Variants in CCSER2 observed in about 807,000 individuals in gnomAD.
CCSER2 encodes serine-rich coiled-coil domain-containing protein 2.
In CCSER2, 46 loss-of-function variants were observed where a neutral mutation model predicts 92.3. The observed-to-expected ratio is 0.50, with a 90% CI of 0.39 to 0.64. The LOEUF is 0.64. Ranked by LOEUF, CCSER2 falls within the 30% of genes least tolerant of loss-of-function variation. The probability of loss-of-function intolerance (pLI) is 0.00; values close to 1 mark genes in which losing one functional copy is unlikely to be tolerated. For missense variants in CCSER2, 1,244 were observed against 1,238.9 expected, an observed-to-expected ratio of 1.00 and a Z score of -0.06; for synonymous variants, 433 against 431.4, an observed-to-expected ratio of 1.00 and a Z score of -0.04.
Position 84,391,368 on chromosome 10 carries a change from A to T in CCSER2, c.1614+17553A>T, listed in dbSNP as rs1220097793. The T allele has an allele frequency of 2.1e-6, 3 of 1,451,282 alleles. No homozygotes were observed. In the African/African-American group the frequency reaches 4.2e-5, roughly 20 times the overall value. The allele number at this position is 1,451,282 out of a possible 1,614,324, so 89.9% of individuals were successfully genotyped here. A position where few individuals can be genotyped will look rare whatever the true frequency, so the allele number is the denominator to read the frequency against. ...GGCAACATTGAACAGCTGGTAGCCC[A>T]AAGTAACATCCTAACACTAATGCAT... On this transcript the variant is annotated intron_variant, in intron 3 of 9. Coordinates refer to ENST00000372088, the MANE Select transcript of CCSER2 (RefSeq NM_001284240.2).
At chr10:84,330,480 T>G (rs1843502526) in intron 1 of CCSER2, among the ~76,000 whole-genome samples, 1 of 152,170 alleles carries the variant, frequency 6.6e-6, no homozygotes, top group South Asian at 2.1e-4. Context: ...AGTTAATGAT[T>G]TGTTTATGTG....
Position 84,371,614 on chromosome 10 carries a change from C to G in CCSER2, c.562C>G (p.Pro188Ala), listed in dbSNP as rs371027225. 79 of 1,613,450 alleles carry G rather than the reference C, an allele frequency of 4.9e-5. No homozygotes were observed. Among genetic ancestry groups the G allele is most frequent in the Non-Finnish European group, 6.6e-5 (78 of 1,179,698 alleles). Residue 188 changes from proline to alanine, a missense_variant, in exon 2 of 10, where the codon CCT (proline) becomes GCT (alanine). Coordinates refer to ENST00000372088, the MANE Select transcript of CCSER2 (RefSeq NM_001284240.2). ...GNRSAGSMQR[P>A]RANSCATRSS... ...CCGATCAGCTGGTAGCATGCAAAGG[C>G]CTAGAGCGAACTCCTGTGCCACCAG...
At chr10:84,347,145 G>A (rs1373973250) in intron 1 of CCSER2, among the ~76,000 whole-genome samples, 1 of 152,216 alleles carries the variant, frequency 6.6e-6, no homozygotes, top group Non-Finnish European at 1.5e-5. Flanking sequence ...ATTTTTCTTA[G>A]TACAGAACAA....
chr10:84,505,767 C>T (rs1316288561), intron 9 of CCSER2, among the ~76,000 whole-genome samples: 2 of 152,028 alleles, frequency 1.3e-5, no homozygotes, highest in African/African-American at 4.8e-5. Context: ...ATAGGCCTTC[C>T]ACAAACGTAG....
At chr10:84,360,304 TTCTA>T (rs1446888376) in intron 1 of CCSER2, among the ~76,000 whole-genome samples, 8 of 152,334 alleles carry the variant, frequency 5.3e-5, no homozygotes, top group African/African-American at 1.7e-4. Context: ...TACTTTGTGA[TTCTA>T]TCTTTTTTTC....
intron 1 of CCSER2, among the ~76,000 whole-genome samples, chr10:84,341,037 CTTTTT>C (rs749153928): frequency 8.7e-6 from 1 of 115,172 alleles, no homozygotes; most frequent in South Asian, 2.8e-4. Flanking sequence ...CAATGTAACA[CTTTTT>C]TTTTTTTTTT....
At chr10:84,410,612 T>G (rs1842600073) in intron 3 of CCSER2, among the ~76,000 whole-genome samples, 1 of 152,246 alleles carries the variant, frequency 6.6e-6, no homozygotes, top group Non-Finnish European at 1.5e-5. Context: ...TTGGGATTGT[T>G]TGCTTATTTT....
At chr10:84,501,325 A>G (rs1281554103) in intron 9 of CCSER2, among the ~76,000 whole-genome samples, 1 of 152,192 alleles carries the variant, frequency 6.6e-6, no homozygotes, top group African/African-American at 2.4e-5. Context: ...TGTGGCCAGT[A>G]AACAGCAAGG....
intron 1 of CCSER2, among the ~76,000 whole-genome samples, chr10:84,331,164 A>G (rs1398343778): frequency 6.6e-6 from 1 of 152,194 alleles, no homozygotes; most frequent in African/African-American, 2.4e-5. Flanking sequence ...CTTGTTTGAG[A>G]TTGCTTAGGC....
rs202048048 is a variant in CCSER2, at chr10:84,373,826, A to AT, written c.1614+14dup. The AT allele has an allele frequency of 1.6e-5, 26 of 1,613,298 alleles. No homozygotes were observed. In the East Asian group the frequency reaches 5.4e-4, roughly 33 times the overall value. On this transcript the variant is annotated intron_variant, in intron 3 of 9. Coordinates refer to ENST00000372088, the MANE Select transcript of CCSER2 (RefSeq NM_001284240.2). ...GAAATGAACAGCATAGTATGTATGG[A>AT]TTTATATACTCTTGGAATATTTTGT...
rs142633538 is a variant in CCSER2, at chr10:84,497,473, A to G, written c.2326-15976A>G. Among the ~76,000 whole-genome samples the G allele has an allele frequency of 4.5e-3, 683 of 152,362 alleles. 8 individuals carry two copies. Among genetic ancestry groups the G allele is most frequent in the African/African-American group, 0.016 (654 of 41,582 alleles). ...CCCTTCTTATACTCAGACCTATGCC[A>G]GAGATTATGATTTGTTGGTCTTGGG... On this transcript the variant is annotated intron_variant, in intron 9 of 9. Coordinates refer to ENST00000372088, the MANE Select transcript of CCSER2 (RefSeq NM_001284240.2).
intron 3 of CCSER2, among the ~76,000 whole-genome samples, chr10:84,396,492 T>G (rs1232855526): frequency 2.0e-5 from 3 of 152,078 alleles, no homozygotes; most frequent in Non-Finnish European, 4.4e-5. Context: ...ATTGTATTAT[T>G]CATTTGTAAT....
In CCSER2 at chr10:84,513,923, C is replaced by T. The variant is rs1218932211; in HGVS notation, c.2800C>T (p.Pro934Ser). Residue 934 changes from proline to serine, a missense_variant, in exon 10 of 10, where the codon CCT becomes TCT. By Grantham distance (74) the Pro-to-Ser change is moderately conservative (BLOSUM62 -1). Coordinates refer to ENST00000372088, the MANE Select transcript of CCSER2 (RefSeq NM_001284240.2). ...KPSILSSLVP[P>S]PVSESSPSRT... is the part of the protein sequence containing the mutation. ...ATCCATATTGAGTTCTTTGGTACCG[C>T]CTCCAGTTTCTGAATCATCTCCAAG... 2 of 1,536,564 alleles carry T rather than the reference C, an allele frequency of 1.3e-6. No homozygotes were observed. The highest frequency in any genetic ancestry group is 2.4e-5 in the East Asian group (1 of 40,908).
At chr10:84,363,532 TTA>T (rs765210080) in intron 1 of CCSER2, among the ~76,000 whole-genome samples, 2 of 152,168 alleles carry the variant, frequency 1.3e-5, no homozygotes, top group Non-Finnish European at 2.9e-5. Context: ...AGTAGTGAGT[TTA>T]TGTCTGTTTA....
At chr10:84,457,716 T>G (rs1485887747) in intron 6 of CCSER2, among the ~76,000 whole-genome samples, 1 of 115,066 alleles carries the variant, frequency 8.7e-6, no homozygotes, top group Non-Finnish European at 1.7e-5. Context: ...ATATTATATA[T>G]AAATATATAA....
At chr10:84,357,610 C>T (rs542128169) in intron 1 of CCSER2, among the ~76,000 whole-genome samples, 7 of 152,160 alleles carry the variant, frequency 4.6e-5, no homozygotes, top group South Asian at 2.1e-4. Context: ...CCACCTCGCC[C>T]GGCTAATTTT....
At chr10:84,384,951 C>A (rs1841107664) in intron 3 of CCSER2, among the ~76,000 whole-genome samples, 2 of 151,724 alleles carry the variant, frequency 1.3e-5, no homozygotes, top group African/African-American at 4.8e-5. Context: ...TATATCCATA[C>A]ACCATCAGTG....
At chr10:84,406,077 CTG>C (rs1203488079) in intron 3 of CCSER2, among the ~76,000 whole-genome samples, 2 of 152,352 alleles carry the variant, frequency 1.3e-5, no homozygotes, top group East Asian at 1.9e-4. Flanking sequence ...GGTACACAAA[CTG>C]TACATTCGCA....
At chr10:84,346,255 G>T (rs1445126524) in intron 1 of CCSER2, among the ~76,000 whole-genome samples, 2 of 152,000 alleles carry the variant, frequency 1.3e-5, no homozygotes, top group Non-Finnish European at 2.9e-5. Context: ...GTAGAGACGG[G>T]GTTTCTCTAT....
Sources: gnomAD v4.1 joint callset for allele counts (sites outside exome capture counted in the v4.1 genomes callset) on GRCh38, gnomAD v4.1.1 for gene constraint, MANE v1.5 for transcripts, NCBI Gene and HGNC (gene_info 2026-07-23, HGNC 2026-07-21) for gene names.